Variants in CR1 observed in about 807,000 individuals in gnomAD.
CR1 encodes complement receptor type 1.
Under a neutral mutation model 187.3 loss-of-function variants are expected in CR1, and 116 were observed. That is an observed-to-expected ratio of 0.62 (90% CI 0.53 to 0.72). CR1 has a LOEUF of 0.72. Ranked by LOEUF, CR1 falls within the 30% of genes least tolerant of loss-of-function variation. CR1 has a pLI of 0.00. For synonymous variants in CR1, 576 were observed against 747.1 expected, an observed-to-expected ratio of 0.77 and a Z score of 3.73; for missense variants, 1,731 against 2,110.7, an observed-to-expected ratio of 0.82 and a Z score of 3.52.
chr1:207,623,552 A>T (rs10863417), intron 45 of CR1, among the ~76,000 whole-genome samples: 129,173 of 151,268 alleles, frequency 0.85, 55,673 homozygotes, highest in African/African-American at 0.96. Flanking sequence ...GCCATTGCAC[A>T]CCAGCCTGGG....
intron 35 of CR1, chr1:207,606,540 T>G (rs1661756898): frequency 6.6e-6 from 1 of 152,266 alleles, no homozygotes; most frequent in Non-Finnish European, 1.5e-5. Context: ...TTTTACCCTT[T>G]AATTTTTACT....
intron 1 of CR1, among the ~76,000 whole-genome samples, chr1:207,499,672 A>G (rs1321357869): frequency 1.3e-5 from 2 of 152,178 alleles, no homozygotes; most frequent in South Asian, 2.1e-4. Context: ...AGTGTTTAAT[A>G]TAGGGTGGAC....
chr1:207,503,365 T>A (rs1659333308), intron 1 of CR1, among the ~76,000 whole-genome samples: 1 of 152,228 alleles, frequency 6.6e-6, no homozygotes, highest in Non-Finnish European at 1.5e-5. Flanking sequence ...TGTAACAAAT[T>A]TCCACAAACT....
At chr1:207,635,811 G>A (rs1019422863) in intron 46 of CR1, among the ~76,000 whole-genome samples, 6 of 152,170 alleles carry the variant, frequency 3.9e-5, no homozygotes, top group Admixed American at 2.0e-4. Flanking sequence ...CTGGGTACTT[G>A]AGATTAGGGA....
chr1:207,637,270 C>G (rs1057057668), intron 46 of CR1, among the ~76,000 whole-genome samples: 3 of 152,190 alleles, frequency 2.0e-5, no homozygotes, highest in Admixed American at 6.5e-5. Flanking sequence ...CACTTGTGCA[C>G]TGGGACACGA....
intron 46 of CR1, among the ~76,000 whole-genome samples, chr1:207,637,246 T>G (rs1662842745): frequency 6.6e-6 from 1 of 152,234 alleles, no homozygotes; most frequent in African/African-American, 2.4e-5. Flanking sequence ...TAAGTCGCTA[T>G]CAACAGCTAG....
intron 45 of CR1, among the ~76,000 whole-genome samples, chr1:207,630,289 C>A (rs992341790): frequency 1.3e-5 from 2 of 152,156 alleles, no homozygotes; most frequent in Non-Finnish European, 2.9e-5. Context: ...ATTTAGAGTA[C>A]TCTGACAGAA....
Position 207,534,243 on chromosome 1 carries a change from T to TGTGATC in CR1, c.1699_1704dup (p.Val567_Ile568dup). ...CAGATCCAGTGAATGGCATGGTGCA[T>TGTGATC]GTGATCACAGACATCCAGGTTGGAT... On this transcript the variant is annotated inframe_insertion, in exon 11 of 47. Transcript: ENST00000367049. 1 of 57,412 alleles carries TGTGATC rather than the reference T, an allele frequency of 1.7e-5. No homozygotes were observed. The highest frequency in any genetic ancestry group is 1.5e-4 in the East Asian group (1 of 6,822). The allele number at this position is 57,412 out of a possible 1,614,324, so 3.6% of individuals were successfully genotyped here.
chr1:207,633,878 T>G (rs1571623237), intron 46 of CR1, among the ~76,000 whole-genome samples: 1 of 151,880 alleles, frequency 6.6e-6, no homozygotes, highest in East Asian at 1.9e-4. Context: ...GTGGGGCCGT[T>G]TTATAAGATT....
chr1:207,624,112 G>C (rs1662408949), intron 45 of CR1, among the ~76,000 whole-genome samples: 1 of 151,742 alleles, frequency 6.6e-6, no homozygotes, highest in Non-Finnish European at 1.5e-5. Flanking sequence ...TTTTAGTACA[G>C]AAAGGGTTTT....
At chr1:207,575,198 A>G (rs1409130882) in intron 27 of CR1, among the ~76,000 whole-genome samples, 1 of 99,124 alleles carries the variant, frequency 1.0e-5, no homozygotes, top group Non-Finnish European at 1.9e-5. Flanking sequence ...ATGACATAGT[A>G]TTATACACAC....
At chr1:207,626,335 C>T (rs1662477184) in intron 45 of CR1, among the ~76,000 whole-genome samples, 1 of 152,190 alleles carries the variant, frequency 6.6e-6, no homozygotes, top group Non-Finnish European at 1.5e-5. Flanking sequence ...GAGGTCCCTT[C>T]TTTCGGAAGG....
chr1:207,503,992 A>C (rs1445062666), intron 1 of CR1, among the ~76,000 whole-genome samples: 3 of 152,252 alleles, frequency 2.0e-5, no homozygotes, highest in African/African-American at 7.2e-5. Context: ...ATTGTGAAGA[A>C]GGAAAAATAA....
intron 35 of CR1, among the ~76,000 whole-genome samples, chr1:207,593,084 C>CAAAAAAAAAAAAAAAAA (rs57700679): frequency 1.1e-4 from 9 of 83,110 alleles, no homozygotes; most frequent in African/African-American, 3.5e-4. Context: ...CACAGAATTA[C>CAAAAAAAAAAAAAAAAA]AAAAAAAAAA....
chr1:207,625,790 G>T (rs1662461872), intron 45 of CR1, among the ~76,000 whole-genome samples: 1 of 152,154 alleles, frequency 6.6e-6, no homozygotes, highest in African/African-American at 2.4e-5. Flanking sequence ...TGAGTCATGA[G>T]TCACAAGTCC....
chr1:207,639,373 A>G (rs1026841304), intron 46 of CR1, 24 bp from the exon 47 acceptor site: 1 of 1,593,404 alleles, frequency 6.3e-7, no homozygotes, highest in Middle Eastern at 1.7e-4. Flanking sequence ...CTGTTAATTA[A>G]ATGAAAACAT....
rs1260139982 is a variant in CR1, at chr1:207,584,878, T to G, written c.5530+2T>G. 6.2e-7 allele frequency: 1 copy of G among 1,613,902 alleles called. No homozygotes were observed. The highest frequency in any genetic ancestry group is 1.3e-5 in the African/African-American group (1 of 75,032). On this transcript the variant is annotated splice_donor_variant, in intron 33 of 46. Transcript: ENST00000367049. LOFTEE classifies it high-confidence loss of function. ...GCTGTGAACTTTCTGTTCGTGCTGG[T>G]CAGTATCCACTTCCACATATCCTAA...
At chr1:207,510,297 TA>T (rs1444146457) in intron 3 of CR1, among the ~76,000 whole-genome samples, 1 of 152,220 alleles carries the variant, frequency 6.6e-6, no homozygotes, top group Non-Finnish European at 1.5e-5. Context: ...TAGTATAATG[TA>T]ATAGTGCATC....
intron 4 of CR1, 38 bp from the exon 5 acceptor site, chr1:207,523,573 A>C (rs779588287): frequency 6.2e-7 from 1 of 1,612,366 alleles, no homozygotes; most frequent in Non-Finnish European, 8.5e-7. Context: ...TTCATTATTT[A>C]AACTGACTGT....
Sources: allele counts gnomAD v4.1 joint callset (sites outside exome capture counted in the v4.1 genomes callset), GRCh38; gene constraint gnomAD v4.1.1; transcripts MANE v1.5; gene names NCBI Gene and HGNC (gene_info 2026-07-23, HGNC 2026-07-21).